The following ERCC6 variants were observed in gnomAD, a reference collection of about 807,000 sequenced individuals.
ERCC6 encodes the protein ERCC excision repair 6, chromatin remodeling factor.
ERCC6 carries 116 observed loss-of-function variants against 158.7 expected under a neutral mutation model. The observed-to-expected ratio is 0.73, with a 90% CI of 0.63 to 0.85. The LOEUF is 0.85. Among genes scored for constraint, ERCC6 ranks in the 40% least tolerant of loss-of-function variants. The pLI, the probability that ERCC6 is intolerant of heterozygous loss-of-function variation, is 0.00. For missense variants in ERCC6, 1,698 were observed against 1,799.4 expected, an observed-to-expected ratio of 0.94 and a Z score of 1.02; for synonymous variants, 678 against 659.3, an observed-to-expected ratio of 1.03 and a Z score of -0.43.
intron 7 of ERCC6, among the ~76,000 whole-genome samples, chr10:49,498,298 C>A (rs1222221253): frequency 2.6e-5 from 4 of 152,256 alleles, no homozygotes; most frequent in African/African-American, 4.8e-5. Flanking sequence ...TAGGGCCCCT[C>A]TACAGTTTGT....
At position 49,472,997 on chromosome 10, in the gene ERCC6, G is replaced by A. The variant is rs142580756; in HGVS notation, c.2741C>T (p.Thr914Met). ...DTSIFVFLLT[T>M]RVGGLGVNLT... ...GTTGACACCTAAGCCGCCCACCCGC[G>A]TGGTCAGAAGAAACACAAATATGGA... The change falls in exon 15 of 21, where the codon ACG becomes ATG. Residue 914 changes from threonine to methionine, a missense_variant. Physicochemically the swap from Thr to Met is moderately conservative, Grantham distance 81. Transcript: ENST00000355832. 1,163 of 1,613,962 alleles carry A rather than the reference G, an allele frequency of 7.2e-4. 1 individual carries two copies. The highest frequency in any genetic ancestry group is 9.0e-4 in the Non-Finnish European group (1,063 of 1,180,016).
At chr10:49,515,790 T>C in intron 5 of ERCC6, 1 of 1,614,196 alleles carries the variant, frequency 6.2e-7, no homozygotes, top group Non-Finnish European at 8.5e-7. Context: ...TATCTTCTTT[T>C]TCAGTTTCTG....
intron 7 of ERCC6, among the ~76,000 whole-genome samples, chr10:49,495,872 GGAT>G (rs1448492398): frequency 6.6e-6 from 1 of 152,136 alleles, no homozygotes; most frequent in African/African-American, 2.4e-5. Flanking sequence ...GCATCTCCGA[GGAT>G]GATTATTTCA....
chr10:49,462,317 G>A (rs1004084155), intron 18 of ERCC6, among the ~76,000 whole-genome samples: 4 of 151,900 alleles, frequency 2.6e-5, no homozygotes, highest in Non-Finnish European at 5.9e-5. Flanking sequence ...CAAACGTTGG[G>A]GCATTTTATC....
chr10:49,480,750 C>T (rs1301690289), intron 10 of ERCC6, among the ~76,000 whole-genome samples: 1 of 152,038 alleles, frequency 6.6e-6, no homozygotes, highest in Non-Finnish European at 1.5e-5. Context: ...CTCCAGATAC[C>T]ATGCACTGAG....
the ERCC6 span, among the ~76,000 whole-genome samples, chr10:49,437,335 T>C: frequency 6.6e-6 from 1 of 152,164 alleles, no homozygotes; most frequent in Non-Finnish European, 1.5e-5. Flanking sequence ...CTACATGCAA[T>C]AATGTGGATA....
intron 8 of ERCC6, among the ~76,000 whole-genome samples, chr10:49,486,800 T>C (rs940540364): frequency 6.6e-6 from 1 of 152,220 alleles, no homozygotes; most frequent in African/African-American, 2.4e-5. Context: ...AAAGTAGGAC[T>C]AGATCCTATT....
At chr10:49,519,433 T>C (rs1837086277) in intron 5 of ERCC6, among the ~76,000 whole-genome samples, 1 of 152,202 alleles carries the variant, frequency 6.6e-6, no homozygotes, top group Non-Finnish European at 1.5e-5. Flanking sequence ...ATTGTTGTCA[T>C]ACTTTTACAA....
chr10:49,457,309 CATT>C lies in ERCC6; in HGVS notation c.*1503_*1505del, dbSNP rs1771084141. 6.6e-6 allele frequency: 1 copy of C among 152,118 alleles called. No homozygotes were observed. Among genetic ancestry groups the C allele is most frequent in the African/African-American group, 2.4e-5 (1 of 41,432 alleles). 9.4% of individuals were successfully genotyped at this position (152,118 alleles called of 1,614,324 possible). ...AAATAATGTAATCATCTTCTTCCCT[CATT>C]ATATATAAACCAAACTAAAAACAAA... On this transcript the variant is annotated 3_prime_UTR_variant, in exon 21 of 21. Coordinates refer to ENST00000355832, the MANE Select transcript of ERCC6 (RefSeq NM_000124.4).
chr10:49,507,309 T>C (rs1851460282), intron 5 of ERCC6, among the ~76,000 whole-genome samples: 1 of 152,178 alleles, frequency 6.6e-6, no homozygotes, highest in African/African-American at 2.4e-5. Context: ...CACTACACGG[T>C]AGTAAAGGAC....
intron 8 of ERCC6, among the ~76,000 whole-genome samples, chr10:49,485,571 A>G (rs189943789): frequency 6.6e-6 from 1 of 152,316 alleles, no homozygotes; most frequent in East Asian, 1.9e-4. Flanking sequence ...CTGGATTGAG[A>G]TTAAGGGAAA....
intron 20 of ERCC6, chr10:49,460,091 C>A: frequency 2.1e-6 from 1 of 487,316 alleles, no homozygotes; most frequent in South Asian, 2.1e-5. Context: ...CTAGACAAGG[C>A]AGGCTGTCCT....
At chr10:49,535,977 G>A (rs990291414) in intron 1 of ERCC6, among the ~76,000 whole-genome samples, 12 of 152,136 alleles carry the variant, frequency 7.9e-5, no homozygotes, top group African/African-American at 1.9e-4. Context: ...TTAGCCAGGC[G>A]TGGTGGTGCA....
intron 8 of ERCC6, among the ~76,000 whole-genome samples, chr10:49,485,051 C>T (rs930381661): frequency 1.3e-5 from 2 of 152,226 alleles, no homozygotes; most frequent in African/African-American, 4.8e-5. Flanking sequence ...CTACAGTGCA[C>T]TGCACCCAGA....
At chr10:49,452,556 C>T (rs530929199), downstream of ERCC6, among the ~76,000 whole-genome samples, 5 of 152,194 alleles carry the variant, frequency 3.3e-5, no homozygotes, top group South Asian at 1.0e-3. Context: ...TATGCTGTAG[C>T]GCTTGGGTGA....
chr10:49,516,892 A>T lies in ERCC6; in HGVS notation c.1397+7141T>A, dbSNP rs750364051. The T allele has an allele frequency of 3.1e-6, 5 of 1,614,176 alleles. No homozygotes were observed. The Admixed American group carries it at 8.3e-5, about 27-fold the overall frequency. The stretch of plus-strand genomic sequence containing the variant: ...TTAGGTGCGTATGAGGGATCATCTG[A>T]GTCAGACTCAGCATCAGAGCCATCT... On this transcript the variant is annotated intron_variant, in intron 5 of 20. Coordinates refer to ENST00000355832, the MANE Select transcript of ERCC6 (RefSeq NM_000124.4).
At position 49,505,876 on chromosome 10, in the gene ERCC6, G is replaced by T; in HGVS notation, c.1526+8C>A. 6.2e-7 allele frequency: 1 copy of T among 1,612,870 alleles called. No individual in the cohort carries two copies. Among genetic ancestry groups the T allele is most frequent in the Non-Finnish European group, 8.5e-7 (1 of 1,179,318 alleles). Reference sequence around the variant, plus strand: ...GCAAATAGAAAGGAAAGAACATATGGTACATACTTAAAAAGCTTTTTGAAC... The same window carrying T: ...GCAAATAGAAAGGAAAGAACATATGTTACATACTTAAAAAGCTTTTTGAAC... On this transcript the variant is annotated splice_region_variant and intron_variant, in intron 6 of 20. Coordinates refer to ENST00000355832, the MANE Select transcript of ERCC6 (RefSeq NM_000124.4).
chr10:49,536,559 T>A (rs1023612952), intron 1 of ERCC6, among the ~76,000 whole-genome samples: 2 of 152,160 alleles, frequency 1.3e-5, no homozygotes, highest in African/African-American at 4.8e-5. Flanking sequence ...GTTGGGCAGT[T>A]CCTGAGTCAG....
chr10:49,459,284 C>A, intron 20 of ERCC6, 50 bp from the exon 21 acceptor site: 1 of 1,592,794 alleles, frequency 6.3e-7, no homozygotes, highest in Non-Finnish European at 8.6e-7. Flanking sequence ...TAGTTTATGC[C>A]CCCACTTCCT....
Sources: gnomAD v4.1 joint callset for allele counts (sites outside exome capture counted in the v4.1 genomes callset) on GRCh38, gnomAD v4.1.1 for gene constraint, MANE v1.5 for transcripts, NCBI Gene and HGNC (gene_info 2026-07-23, HGNC 2026-07-21) for gene names.